TRPM6: variants seen among roughly 807,000 people sequenced by gnomAD.
TRPM6 encodes transient receptor potential cation channel subfamily M member 6.
A neutral mutation model predicts 247.6 loss-of-function variants in TRPM6; 111 were observed. The ratio of observed to expected loss-of-function variants is 0.45; its 90% CI spans 0.38 to 0.52. The LOEUF is 0.52. TRPM6 is among the 20% of genes least tolerant of loss of function. TRPM6 has a pLI of 0.00. For synonymous variants in TRPM6, 892 were observed against 853.8 expected, an observed-to-expected ratio of 1.04 and a Z score of -0.78; for missense variants, 2,126 against 2,421.5, an observed-to-expected ratio of 0.88 and a Z score of 2.56.
intron 18 of TRPM6, among the ~76,000 whole-genome samples, chr9:74,793,501 G>A (rs368284848): frequency 6.6e-6 from 1 of 151,924 alleles, no homozygotes; most frequent in South Asian, 2.1e-4. Flanking sequence ...ACAGTCACCC[G>A]CCACCACACC....
intron 14 of TRPM6, among the ~76,000 whole-genome samples, chr9:74,804,217 C>G (rs937916854): frequency 6.6e-6 from 1 of 152,062 alleles, no homozygotes; most frequent in East Asian, 1.9e-4. Flanking sequence ...CTCCCTGGAA[C>G]GAGTTCAAAA....
Position 74,840,025 on chromosome 9 carries a change from T to C in TRPM6, c.543A>G (p.Thr181=). The change falls in exon 5 of 39, where the codon ACA becomes ACG. Residue 181 remains threonine (T), a splice_region_variant and synonymous_variant. Coordinates refer to ENST00000360774, the MANE Select transcript of TRPM6 (RefSeq NM_017662.5). Reference sequence around the variant, plus strand: ...AGAAATGGAGGGAGGGAGCTTTACCTGTATTGATGCCTTCAGTTATTATCC... The same window carrying C: ...AGAAATGGAGGGAGGGAGCTTTACCCGTATTGATGCCTTCAGTTATTATCC... ...GAWIITEGIN[T]GVSKHVGDAL... The C allele has an allele frequency of 6.2e-7, 1 of 1,611,928 alleles. No homozygotes were observed. The highest frequency in any genetic ancestry group is 8.5e-7 in the Non-Finnish European group (1 of 1,178,066).
intron 7 of TRPM6, among the ~76,000 whole-genome samples, chr9:74,823,244 G>A (rs1829194436): frequency 6.6e-6 from 1 of 152,176 alleles, no homozygotes; most frequent in South Asian, 2.1e-4. Flanking sequence ...ACAGGGTCAA[G>A]GGTCAAGGGA....
rs904612109 is a variant in TRPM6 at position 74,887,374 on chromosome 9, G to T, written c.33+450C>A. 7.1e-6 allele frequency: 10 copies of T among 1,404,226 alleles called. No individual in the cohort carries two copies. The African/African-American group carries it at 1.3e-4, about 18-fold the overall frequency. 87.0% of individuals were successfully genotyped at this position (1,404,226 alleles called of 1,614,324 possible). ...GCGACCCCCGGCTAGTCAGCGTCCGGGTCTGAGATCTGTGCCCGTGGCAGC... is the reference window on the plus strand; with the variant it reads ...GCGACCCCCGGCTAGTCAGCGTCCGTGTCTGAGATCTGTGCCCGTGGCAGC... On this transcript the variant is annotated intron_variant, in intron 1 of 38. Coordinates refer to ENST00000360774, the MANE Select transcript of TRPM6 (RefSeq NM_017662.5).
At chr9:74,728,525 CTT>C (rs919938806) in intron 37 of TRPM6, among the ~76,000 whole-genome samples, 180 bp from the exon 38 acceptor site, 1 of 152,192 alleles carries the variant, frequency 6.6e-6, no homozygotes, top group Non-Finnish European at 1.5e-5. Context: ...TTCAAATGCA[CTT>C]AAATCTTTGC....
At chr9:74,753,968 G>C (rs1484428731) in intron 28 of TRPM6, among the ~76,000 whole-genome samples, 2 of 151,780 alleles carry the variant, frequency 1.3e-5, no homozygotes, top group Admixed American at 1.3e-4. Context: ...CCTGCCACTT[G>C]TATCTCTCGA....
intron 14 of TRPM6, chr9:74,804,337 T>C (rs1365913209): frequency 2.3e-6 from 1 of 432,060 alleles, no homozygotes; most frequent in African/African-American, 2.0e-5. Context: ...TTATATAATA[T>C]CTCCACTGGA....
chr9:74,816,420 T>G (rs980116340), intron 11 of TRPM6, among the ~76,000 whole-genome samples: 1 of 150,638 alleles, frequency 6.6e-6, no homozygotes, highest in African/African-American at 2.5e-5. Flanking sequence ...CATTCTGTCT[T>G]TCACTCAACT....
intron 18 of TRPM6, 137 bp from the exon 19 acceptor site, chr9:74,792,907 A>G (rs1237043062): frequency 1.2e-6 from 1 of 854,314 alleles, no homozygotes; most frequent in Non-Finnish European, 1.8e-6. Flanking sequence ...CTGTAATCCC[A>G]GCACTTTGGG....
At position 74,722,751 on chromosome 9, in the gene TRPM6, C is replaced by T. The variant is rs565491874; in HGVS notation, c.*1862G>A. On this transcript the variant is annotated 3_prime_UTR_variant, in exon 39 of 39. Transcript: ENST00000360774. ...CAAATCACCCAAATTTCCCGCTTTC[C>T]ACCACCCCAAAACCCAAGTAAAAGG... 7.2e-5 allele frequency: 11 copies of T among 152,254 alleles called. No individual in the cohort carries two copies. Among genetic ancestry groups the T allele is most frequent in the African/African-American group, 2.4e-4 (10 of 41,560 alleles). The allele number at this position is 152,254 out of a possible 1,614,324, so 9.4% of individuals were successfully genotyped here.
intron 5 of TRPM6, among the ~76,000 whole-genome samples, 166 bp downstream of exon 5, chr9:74,839,858 G>A (rs1183553047): frequency 2.2e-5 from 1 of 45,214 alleles, no homozygotes; most frequent in Admixed American, 2.3e-4. Flanking sequence ...AGAGAGAGAG[G>A]AAGGAAGGAA....
chr9:74,852,302 C>T (rs1830348525), intron 3 of TRPM6, among the ~76,000 whole-genome samples: 1 of 151,998 alleles, frequency 6.6e-6, no homozygotes, highest in Non-Finnish European at 1.5e-5. Context: ...AGCTATCCCC[C>T]AGCCTCAATC....
At chr9:74,739,641 A>AT in intron 34 of TRPM6, 82 bp downstream of exon 34, 1 of 1,584,060 alleles carries the variant, frequency 6.3e-7, no homozygotes, top group Non-Finnish European at 8.6e-7. Context: ...GTTGAGGATA[A>AT]TGGCCTTAGA....
At chr9:74,881,016 T>C (rs922490433) in intron 1 of TRPM6, among the ~76,000 whole-genome samples, 2 of 152,272 alleles carry the variant, frequency 1.3e-5, no homozygotes, top group Non-Finnish European at 2.9e-5. Context: ...TGACCCTGGC[T>C]GGGCGTGGTA....
intron 38 of TRPM6, 28 bp from the exon 39 acceptor site, chr9:74,724,774 TA>T: frequency 6.2e-7 from 1 of 1,613,898 alleles, no homozygotes; most frequent in Non-Finnish European, 8.5e-7. Context: ...AAAAAGGTTA[TA>T]GTGGAACCCC....
chr9:74,865,867 G>A (rs1387433272), intron 1 of TRPM6, among the ~76,000 whole-genome samples: 1 of 152,150 alleles, frequency 6.6e-6, no homozygotes, highest in Admixed American at 6.5e-5. Context: ...GAACTCCTAG[G>A]ATCAAGTGAT....
At chr9:74,806,359 C>T (rs896541248) in intron 14 of TRPM6, among the ~76,000 whole-genome samples, 4 of 152,048 alleles carry the variant, frequency 2.6e-5, no homozygotes, top group South Asian at 2.1e-4. Context: ...TTCCTGGGCT[C>T]AAGCAATCCT....
chr9:74,809,029 G>A (rs973325324), intron 13 of TRPM6, among the ~76,000 whole-genome samples: 3 of 152,116 alleles, frequency 2.0e-5, no homozygotes, highest in African/African-American at 7.2e-5. Flanking sequence ...TATGTGAAAG[G>A]GTCTGTCTTT....
chr9:74,808,586 G>GT (rs1035746140), intron 13 of TRPM6, among the ~76,000 whole-genome samples: 2 of 152,292 alleles, frequency 1.3e-5, no homozygotes, highest in African/African-American at 2.4e-5. Context: ...TATATAGAGA[G>GT]TTTTTTAACT....
Sources: gnomAD v4.1 joint callset for allele counts (sites outside exome capture counted in the v4.1 genomes callset) on GRCh38, gnomAD v4.1.1 for gene constraint, MANE v1.5 for transcripts, NCBI Gene and HGNC (gene_info 2026-07-23, HGNC 2026-07-21) for gene names.